The following CHCHD4 variants were observed in gnomAD, a reference collection of about 807,000 sequenced individuals.
CHCHD4 encodes coiled-coil-helix-coiled-coil-helix domain containing 4.
Under a neutral mutation model 12.4 loss-of-function variants are expected in CHCHD4, and 7 were observed. The observed-to-expected ratio is 0.57, with a 90% CI of 0.32 to 1.06. The LOEUF (loss-of-function observed/expected upper bound fraction) is 1.06, where lower values mean the gene tolerates loss of function less well. CHCHD4 is among the 50% of genes least tolerant of loss of function. CHCHD4 has a pLI of 0.04. For missense variants in CHCHD4, 143 were observed against 175.1 expected (o/e 0.82, Z 1.03); for synonymous variants, 56 against 58.0 (o/e 0.97, Z 0.16).
rs199998372 is a variant in CHCHD4, at chr3:14,115,847, TAGTA to T, written c.121+575_121+578del. ...CACATCCACCTCACACGGTCTGCAGTAGTAAGTATCTAGTGAGTTTAGCAGCCCA... is the reference window on the plus strand; with the variant it reads ...CACATCCACCTCACACGGTCTGCAGTAGTATCTAGTGAGTTTAGCAGCCCA... On this transcript the variant is annotated intron_variant, in intron 2 of 2. Transcript: ENST00000396914. 8.6e-3 allele frequency among the ~76,000 whole-genome samples: 1,313 copies of T among 152,294 alleles called. 22 individuals carry two copies. Among genetic ancestry groups the T allele is most frequent in the African/African-American group, 0.03 (1,231 of 41,550 alleles).
chr3:14,119,498 C>T (rs1694910748), intron 1 of CHCHD4, among the ~76,000 whole-genome samples: 1 of 144,444 alleles, frequency 6.9e-6, no homozygotes, highest in Non-Finnish European at 1.5e-5. Flanking sequence ...CTTACCTATT[C>T]CTAACAGACC....
At chr3:14,116,568 A>G (rs766844134) in intron 1 of CHCHD4, 44 bp from the exon 2 acceptor site, 27 of 1,439,892 alleles carry the variant, frequency 1.9e-5, no homozygotes, top group South Asian at 1.6e-4. Context: ...ATTCAAGAGC[A>G]GTGAATCAGC....
chr3:14,113,631 C>CG (rs1694844689), intron 2 of CHCHD4, among the ~76,000 whole-genome samples: 1 of 152,154 alleles, frequency 6.6e-6, no homozygotes, highest in African/African-American at 2.4e-5. Flanking sequence ...TCCCTGCCCC[C>CG]CTGAGCCCCT....
In CHCHD4 at chr3:14,112,820, T is replaced by C. The variant is rs767072310; in HGVS notation, c.*67A>G. 53 of 1,424,032 alleles carry C rather than the reference T, an allele frequency of 3.7e-5. No homozygotes were observed. Among genetic ancestry groups the C allele is most frequent in the Non-Finnish European group, 4.8e-5 (50 of 1,047,844 alleles). 88.2% of individuals were successfully genotyped at this position (1,424,032 alleles called of 1,614,324 possible). A position where few individuals can be genotyped will look rare whatever the true frequency, so the allele number is the denominator to read the frequency against. On this transcript the variant is annotated 3_prime_UTR_variant, in exon 3 of 3. Coordinates refer to ENST00000396914, the MANE Select transcript of CHCHD4 (RefSeq NM_001098502.2). ...AACAGAAGGAAACTTTCTTGGAAGG[T>C]GATGACAAGGCCTTTTGCAAAAGGT...
At chr3:14,116,328 C>T (rs1694875422) in intron 2 of CHCHD4, 98 bp downstream of exon 2, 1 of 851,504 alleles carries the variant, frequency 1.2e-6, no homozygotes, top group Non-Finnish European at 2.1e-6. Flanking sequence ...TACCTGAAAA[C>T]TTGGCCTTGG....
intron 2 of CHCHD4, among the ~76,000 whole-genome samples, chr3:14,115,284 G>A (rs1365994295): frequency 6.9e-6 from 1 of 144,684 alleles, no homozygotes; most frequent in Non-Finnish European, 1.5e-5. Context: ...AAAACAACAG[G>A]GACAGGAAAG....
intron 2 of CHCHD4, 76 bp from the exon 3 acceptor site, chr3:14,113,270 G>T: frequency 8.1e-7 from 1 of 1,241,356 alleles, no homozygotes; most frequent in Non-Finnish European, 1.1e-6. Flanking sequence ...ACAGGCTACT[G>T]AGGGGGTGCA....
chr3:14,122,128 C>T (rs762597696), intron 1 of CHCHD4: 31 of 1,523,394 alleles, frequency 2.0e-5, no homozygotes, highest in African/African-American at 8.3e-5. Flanking sequence ...TTCGCTCACA[C>T]GTGTTTAGGA....
Position 14,113,166 on chromosome 3 carries a change from G to A in CHCHD4, c.150C>T (p.Asn50=). 6.2e-7 allele frequency: 1 copy of A among 1,611,012 alleles called. No individual in the cohort carries two copies. The change falls in exon 3 of 3, where the codon AAC becomes AAT. Residue 50 remains asparagine, a synonymous_variant. Coordinates refer to ENST00000396914, the MANE Select transcript of CHCHD4 (RefSeq NM_001098502.2). ...HGLILPNGNI[N]WNCPCLGGMA... ...TTCCCCCAAGGCATGGGCAGTTCCA[G>A]TTAATGTTTCCATTTGGCAGTATCA... is the stretch of plus-strand genomic sequence containing the variant.
At chr3:14,123,849 T>A (rs1237315277) in intron 1 of CHCHD4, among the ~76,000 whole-genome samples, 1 of 152,188 alleles carries the variant, frequency 6.6e-6, no homozygotes, top group Non-Finnish European at 1.5e-5. Context: ...GCTCGGGTAC[T>A]TCTGAGCTCT....
At chr3:14,119,619 AAAATTT>A (rs1225566106) in intron 1 of CHCHD4, among the ~76,000 whole-genome samples, 6 of 152,248 alleles carry the variant, frequency 3.9e-5, no homozygotes, top group Non-Finnish European at 8.8e-5. Context: ...CTAGAGAAAT[AAAATTT>A]AAAAGTGCTT....
rs545980746 is a variant in CHCHD4, at chr3:14,117,767, T to G, written c.23-1243A>C. ...AGAGGGAGGTAGCAGCATCCCCTTT[T>G]AATGGTGGTGAGCCTGAGGCTGTGA... On this transcript the variant is annotated intron_variant, in intron 1 of 2. Coordinates refer to ENST00000396914, the MANE Select transcript of CHCHD4 (RefSeq NM_001098502.2). 4.6e-5 allele frequency among the ~76,000 whole-genome samples: 7 copies of G among 152,288 alleles called. No homozygotes were observed. The East Asian group carries it at 1.2e-3, about 25-fold the overall frequency.
rs1255719813 is a variant in CHCHD4 at position 14,124,791 on chromosome 3, C to T, written c.-115G>A. ...GGCTCCTCCGAAGCCCGCGCGGACC[C>T]GCCCCCTCCCAGGCCTGCCCGCCGC... On this transcript the variant is annotated 5_prime_UTR_variant, in exon 1 of 3. Coordinates refer to ENST00000396914, the MANE Select transcript of CHCHD4 (RefSeq NM_001098502.2). 2.2e-5 allele frequency: 27 copies of T among 1,246,872 alleles called. No homozygotes were observed. Among genetic ancestry groups the T allele is most frequent in the Non-Finnish European group, 2.8e-5 (26 of 924,960 alleles). The allele number at this position is 1,246,872 out of a possible 1,614,324, so 77.2% of individuals were successfully genotyped here.
intron 1 of CHCHD4, among the ~76,000 whole-genome samples, chr3:14,120,918 A>T (rs1694927154): frequency 6.6e-6 from 1 of 152,190 alleles, no homozygotes; most frequent in Non-Finnish European, 1.5e-5. Flanking sequence ...ACTCTCTTAC[A>T]GACTAAGAGT....
intron 1 of CHCHD4, among the ~76,000 whole-genome samples, chr3:14,122,745 T>C (rs1694950050): frequency 6.6e-6 from 1 of 152,092 alleles, no homozygotes; most frequent in Admixed American, 6.5e-5. Flanking sequence ...AGGCAGGAAG[T>C]AAGATGGCAA....
rs770186082 is a variant in CHCHD4, at chr3:14,112,732, GTCAAGACC to G, written c.*147_*154del. 5.6e-5 allele frequency: 40 copies of G among 716,112 alleles called. No individual in the cohort carries two copies. The highest frequency in any genetic ancestry group is 7.7e-5 in the Non-Finnish European group (34 of 443,698). 44.4% of individuals were successfully genotyped at this position (716,112 alleles called of 1,614,324 possible). On this transcript the variant is annotated 3_prime_UTR_variant, in exon 3 of 3. Coordinates refer to ENST00000396914, the MANE Select transcript of CHCHD4 (RefSeq NM_001098502.2). ...TTTTTTTCAGTGTATATGTCAAGAT[GTCAAGACC>G]TCAAGACCTCTGATCATCAAAATAA...
chr3:14,122,263 C>T (rs1694943579), intron 1 of CHCHD4, among the ~76,000 whole-genome samples: 1 of 152,240 alleles, frequency 6.6e-6, no homozygotes. Flanking sequence ...CTTCATGTCA[C>T]CTATGACAGT....
At chr3:14,122,333 G>A (rs1342411944) in intron 1 of CHCHD4, among the ~76,000 whole-genome samples, 1 of 152,222 alleles carries the variant, frequency 6.6e-6, no homozygotes, top group Non-Finnish European at 1.5e-5. Flanking sequence ...CATGCCAGGA[G>A]GGCAGAGAAT....
chr3:14,122,123 T>TCA (rs1433440425), intron 1 of CHCHD4: 3 of 1,535,464 alleles, frequency 2.0e-6, no homozygotes, highest in Non-Finnish European at 2.6e-6. Context: ...TAGTGTTCGC[T>TCA]CACACGTGTT....
Sources: allele counts gnomAD v4.1 joint callset (sites outside exome capture counted in the v4.1 genomes callset), GRCh38; gene constraint gnomAD v4.1.1; transcripts MANE v1.5; gene names NCBI Gene and HGNC (gene_info 2026-07-23, HGNC 2026-07-21).